The following MARCHF1 variants were observed in gnomAD, a reference collection of about 807,000 sequenced individuals.
MARCHF1 encodes membrane associated ring-CH-type finger 1.
A neutral mutation model predicts 54.2 loss-of-function variants in MARCHF1; 40 were observed. The ratio of observed to expected loss-of-function variants is 0.74; its 90% confidence interval spans 0.57 to 0.96. MARCHF1 has a LOEUF of 0.96. Ranked by LOEUF, MARCHF1 falls within the 40% of genes least tolerant of loss-of-function variation. The pLI, the probability that MARCHF1 is intolerant of heterozygous loss-of-function variation, is 0.00. For synonymous variants in MARCHF1, 236 were observed against 236.3 expected, an observed-to-expected ratio of 1.00 and a Z score of 0.01; for missense variants, 586 against 656.5, an observed-to-expected ratio of 0.89 and a Z score of 1.17.
chr4:164,170,860 C>A (rs1284222661), intron 1 of MARCHF1, among the ~76,000 whole-genome samples: 1 of 152,084 alleles, frequency 6.6e-6, no homozygotes, highest in Non-Finnish European at 1.5e-5. Context: ...GGAGAGAAAG[C>A]CATTACAATA....
intron 1 of MARCHF1, among the ~76,000 whole-genome samples, chr4:164,366,985 T>C (rs1578904251): frequency 6.6e-6 from 1 of 152,074 alleles, no homozygotes; most frequent in South Asian, 2.1e-4. Context: ...ATTTAGTTCC[T>C]AACACAAGGC....
chr4:164,212,325 C>T (rs1444590262), intron 1 of MARCHF1, among the ~76,000 whole-genome samples: 1 of 152,066 alleles, frequency 6.6e-6, no homozygotes, highest in Non-Finnish European at 1.5e-5. Context: ...AAATGAGGCA[C>T]ATCAAGGTAT....
At chr4:163,867,403 G>C (rs560704298) in intron 3 of MARCHF1, among the ~76,000 whole-genome samples, 1 of 151,856 alleles carries the variant, frequency 6.6e-6, no homozygotes, top group Admixed American at 6.6e-5. Flanking sequence ...AATATACGGA[G>C]GCCTATCTGT....
At chr4:163,993,255 A>G (rs1753002534) in intron 2 of MARCHF1, among the ~76,000 whole-genome samples, 1 of 152,128 alleles carries the variant, frequency 6.6e-6, no homozygotes, top group East Asian at 1.9e-4. Flanking sequence ...AAAATCTACA[A>G]TGTAATAAAG....
chr4:164,254,630 G>A (rs184314290), intron 1 of MARCHF1, among the ~76,000 whole-genome samples: 5 of 152,236 alleles, frequency 3.3e-5, no homozygotes, highest in Non-Finnish European at 5.9e-5. Context: ...ACAATAGGCT[G>A]TCTGCAAGCT....
At chr4:164,168,736 TA>T (rs1376459515) in intron 1 of MARCHF1, among the ~76,000 whole-genome samples, 3 of 151,838 alleles carry the variant, frequency 2.0e-5, no homozygotes, top group Middle Eastern at 3.2e-3. Flanking sequence ...ATGTGAGGGT[TA>T]GGGGTGCCAA....
rs549345427 is a variant in MARCHF1 at position 164,189,428 on chromosome 4, T to C, written c.-322-77766A>G. 1.7e-4 allele frequency: 115 copies of C among 688,252 alleles called. No individual in the cohort carries two copies. In the African/African-American group the frequency reaches 1.8e-3, roughly 11 times the overall value. The allele number at this position is 688,252 out of a possible 1,614,324, so 42.6% of individuals were successfully genotyped here. A position where few individuals can be genotyped will look rare whatever the true frequency, so the allele number is the denominator to read the frequency against. On this transcript the variant is annotated intron_variant, in intron 1 of 9. Transcript: ENST00000514618. The stretch of plus-strand genomic sequence containing the variant: ...CAGAAAGTGTTGGAAAATTCTGATT[T>C]GAAGAATTCTGATATTGATGATGTT...
chr4:164,259,827 GA>G, intron 1 of MARCHF1, among the ~76,000 whole-genome samples: 1 of 152,122 alleles, frequency 6.6e-6, no homozygotes, highest in East Asian at 1.9e-4. Flanking sequence ...GCTCTTTGGG[GA>G]TAAGCTAAAC....
At chr4:163,554,411 T>C (rs1318969077) in intron 8 of MARCHF1, among the ~76,000 whole-genome samples, 1 of 151,942 alleles carries the variant, frequency 6.6e-6, no homozygotes, top group Non-Finnish European at 1.5e-5. Flanking sequence ...GAAAGAACAA[T>C]GGAGAGCAGA....
At chr4:164,319,145 T>C (rs1461354764) in intron 1 of MARCHF1, among the ~76,000 whole-genome samples, 1 of 152,178 alleles carries the variant, frequency 6.6e-6, no homozygotes, top group Non-Finnish European at 1.5e-5. Flanking sequence ...GTTGTGCCTG[T>C]ATTGAACATG....
chr4:163,822,263 C>CT (rs1748714118), intron 4 of MARCHF1, among the ~76,000 whole-genome samples: 1 of 151,794 alleles, frequency 6.6e-6, no homozygotes, highest in Non-Finnish European at 1.5e-5. Flanking sequence ...ATAGAAAACT[C>CT]TAAAAGCTAC....
intron 1 of MARCHF1, among the ~76,000 whole-genome samples, chr4:164,333,957 C>T (rs1729652850): frequency 6.6e-6 from 1 of 152,178 alleles, no homozygotes; most frequent in Admixed American, 6.5e-5. Context: ...CACAATATTC[C>T]TTTAAGCCAA....
At position 163,671,832 on chromosome 4, in the gene MARCHF1, C is replaced by A. The variant is rs181867210; in HGVS notation, c.162+28981G>T. Among the ~76,000 whole-genome samples, 40 of 151,948 alleles carry A rather than the reference C, an allele frequency of 2.6e-4. No individual in the cohort carries two copies. The East Asian group carries it at 7.7e-3, about 29-fold the overall frequency. ...AATCTAGTTTGAAAGGCGAAAGGTA[C>A]TATTTTTTTTCTAAAGATAAAAGAG... is the stretch of plus-strand genomic sequence containing the variant. On this transcript the variant is annotated intron_variant, in intron 5 of 9. Coordinates refer to ENST00000514618, the MANE Select transcript of MARCHF1 (RefSeq NM_001394959.1).
intron 1 of MARCHF1, among the ~76,000 whole-genome samples, chr4:164,317,230 T>C (rs1420649099): frequency 6.6e-6 from 1 of 152,210 alleles, no homozygotes; most frequent in Non-Finnish European, 1.5e-5. Context: ...GTATTGTCCT[T>C]TAGTTCAAAA....
intron 1 of MARCHF1, among the ~76,000 whole-genome samples, chr4:164,150,781 G>A (rs1268235541): frequency 1.3e-5 from 2 of 152,126 alleles, no homozygotes; most frequent in African/African-American, 4.8e-5. Flanking sequence ...ACAAATAATT[G>A]TCTCCGAAAG....
At chr4:163,671,022 T>C (rs1012140967) in intron 5 of MARCHF1, among the ~76,000 whole-genome samples, 2 of 152,212 alleles carry the variant, frequency 1.3e-5, no homozygotes, top group African/African-American at 4.8e-5. Flanking sequence ...CTGAGTTCAT[T>C]TGCTTGCTGC....
intron 3 of MARCHF1, among the ~76,000 whole-genome samples, chr4:163,866,224 A>C (rs951319418): frequency 1.3e-5 from 2 of 151,322 alleles, no homozygotes; most frequent in African/African-American, 4.8e-5. Context: ...ACCTATTTTT[A>C]ACTATTCCAA....
intron 4 of MARCHF1, among the ~76,000 whole-genome samples, chr4:163,852,117 C>G (rs1389158593): frequency 6.6e-6 from 1 of 151,938 alleles, no homozygotes; most frequent in South Asian, 2.1e-4. Context: ...AAGAAAATGT[C>G]ATCAAGAAAT....
rs192664349 is a variant in MARCHF1 at position 164,264,876 on chromosome 4, C to T, written c.-323+118994G>A. On this transcript the variant is annotated intron_variant, in intron 1 of 9. Coordinates refer to ENST00000514618, the MANE Select transcript of MARCHF1 (RefSeq NM_001394959.1). ...TGGAGTTTACAGTGAGCCAAAATCA[C>T]GCCATTGCACTCCAGCCTGGGCAAC... Among the ~76,000 whole-genome samples the T allele has an allele frequency of 2.6e-4, 39 of 150,488 alleles. No homozygotes were observed. The East Asian group carries it at 6.2e-3, about 24-fold the overall frequency.
Sources: gnomAD v4.1 joint callset for allele counts (sites outside exome capture counted in the v4.1 genomes callset) on GRCh38, gnomAD v4.1.1 for gene constraint, MANE v1.5 for transcripts, NCBI Gene and HGNC (gene_info 2026-07-23, HGNC 2026-07-21) for gene names.